Variants in BTBD1 observed in about 807,000 individuals in gnomAD.
The protein encoded by BTBD1 is BTB domain containing 1.
In BTBD1, 34 loss-of-function variants were observed where a neutral mutation model predicts 48.0. The observed-to-expected ratio is 0.71, with a 90% CI of 0.54 to 0.94. The LOEUF is 0.94. BTBD1 is among the 40% of genes least tolerant of loss of function. The pLI, the probability that BTBD1 is intolerant of heterozygous loss-of-function variation, is 0.00. For synonymous variants in BTBD1, 261 were observed against 242.1 expected, an observed-to-expected ratio of 1.08 and a Z score of -0.72; for missense variants, 543 against 625.6, an observed-to-expected ratio of 0.87 and a Z score of 1.41.
rs192607488 is a variant in BTBD1, at chr15:83,044,368, A to G, written c.665-2443T>C. ...GCATGCCCGCCCGCCCGTGCCCACCATGGCCACAGTTCAGCAGCTGGGAGG... is the reference window on the plus strand; with the variant it reads ...GCATGCCCGCCCGCCCGTGCCCACCGTGGCCACAGTTCAGCAGCTGGGAGG... On this transcript the variant is annotated intron_variant, in intron 3 of 7. Coordinates refer to ENST00000261721, the MANE Select transcript of BTBD1 (RefSeq NM_025238.4). 1.1e-4 allele frequency: 148 copies of G among 1,333,086 alleles called. No individual in the cohort carries two copies. In the African/African-American group the frequency reaches 1.9e-3, roughly 17 times the overall value. The allele number at this position is 1,333,086 out of a possible 1,614,324, so 82.6% of individuals were successfully genotyped here.
intron 7 of BTBD1, 75 bp downstream of exon 7, chr15:83,018,632 G>A: frequency 1.3e-6 from 2 of 1,509,520 alleles, no homozygotes; most frequent in Non-Finnish European, 9.0e-7. Flanking sequence ...AGCTGTCAGT[G>A]ACTCTCAGCT....
intron 5 of BTBD1, 22 bp from the exon 6 acceptor site, chr15:83,020,784 T>A (rs2032279917): frequency 7.1e-7 from 1 of 1,405,482 alleles, no homozygotes; most frequent in Non-Finnish European, 1.0e-6. Flanking sequence ...AAGCCAAAAA[T>A]AAAATATAAT....
intron 6 of BTBD1, 177 bp downstream of exon 6, chr15:83,020,498 G>C: frequency 2.0e-6 from 1 of 492,334 alleles, no homozygotes; most frequent in Admixed American, 3.8e-5. Flanking sequence ...CCAATTTTCT[G>C]CAACCAGACT....
chr15:83,053,607 A>G (rs1001505041), intron 2 of BTBD1, among the ~76,000 whole-genome samples: 3 of 152,196 alleles, frequency 2.0e-5, no homozygotes, highest in Non-Finnish European at 4.4e-5. Context: ...TAGTTAAGTG[A>G]TCGTCTCTAC....
intron 1 of BTBD1, among the ~76,000 whole-genome samples, chr15:83,060,816 A>C (rs957089617): frequency 6.6e-6 from 1 of 152,140 alleles, no homozygotes; most frequent in Non-Finnish European, 1.5e-5. Flanking sequence ...AAATAAAATA[A>C]AGTAAATTTT....
intron 2 of BTBD1, among the ~76,000 whole-genome samples, chr15:83,052,540 T>C (rs996084087): frequency 6.6e-6 from 1 of 152,130 alleles, no homozygotes. Context: ...CATTTTTCCT[T>C]CTACTACGGC....
chr15:83,031,737 C>G (rs1182777182), intron 4 of BTBD1, among the ~76,000 whole-genome samples: 3 of 151,710 alleles, frequency 2.0e-5, no homozygotes, highest in Non-Finnish European at 4.4e-5. Flanking sequence ...TGTAACAAAC[C>G]TGCACGTTGT....
intron 2 of BTBD1, among the ~76,000 whole-genome samples, chr15:83,054,855 C>T (rs1172292878): frequency 1.3e-5 from 2 of 152,024 alleles, no homozygotes; most frequent in Non-Finnish European, 2.9e-5. Flanking sequence ...CCACCGCGCC[C>T]GGCTGGTACC....
intron 6 of BTBD1, among the ~76,000 whole-genome samples, chr15:83,019,550 T>C (rs2032244095): frequency 6.6e-6 from 1 of 151,500 alleles, no homozygotes; most frequent in Non-Finnish European, 1.5e-5. Context: ...CCTATAATCC[T>C]GATGCCCTCC....
At chr15:83,042,918 T>A (rs748610189) in intron 3 of BTBD1, among the ~76,000 whole-genome samples, 1 of 152,102 alleles carries the variant, frequency 6.6e-6, no homozygotes, top group Non-Finnish European at 1.5e-5. Context: ...GACAGGAGCA[T>A]GGCTTGAGCC....
chr15:83,066,777 C>T lies in BTBD1; in HGVS notation c.375G>A (p.Glu125=), dbSNP rs1340894867. Residue 125 remains glutamate (E), a synonymous_variant, in exon 1 of 8, where the codon GAG becomes GAA. Transcript: ENST00000261721. ...TCAGCAGCGCCAGGAAGGCTGCGGG[C>T]TCCACGTCCGGCAGCTCGATCTCGG... The part of the protein sequence containing the change: ...TSAEIELPDV[E]PAAFLALLRF... The T allele has an allele frequency of 5.6e-6, 8 of 1,428,448 alleles. No individual in the cohort carries two copies. The highest frequency in any genetic ancestry group is 6.4e-6 in the Non-Finnish European group (7 of 1,096,272). 88.5% of individuals were successfully genotyped at this position (1,428,448 alleles called of 1,614,324 possible).
intron 1 of BTBD1, among the ~76,000 whole-genome samples, chr15:83,066,505 G>A (rs948437423): frequency 6.6e-6 from 1 of 152,184 alleles, no homozygotes; most frequent in Non-Finnish European, 1.5e-5. Flanking sequence ...GCCTTTCAAT[G>A]GTAAAACGCA....
At chr15:83,035,739 T>A (rs1324153243) in intron 4 of BTBD1, among the ~76,000 whole-genome samples, 1 of 151,576 alleles carries the variant, frequency 6.6e-6, no homozygotes, top group East Asian at 1.9e-4. Context: ...CAGAAAGTAA[T>A]GAAATGGAAA....
At chr15:83,027,741 C>A (rs2032436741) in intron 5 of BTBD1, among the ~76,000 whole-genome samples, 1 of 152,204 alleles carries the variant, frequency 6.6e-6, no homozygotes, top group African/African-American at 2.4e-5. Context: ...TGAGTAGGAC[C>A]AACTATATAT....
At chr15:83,064,214 T>C (rs963492042) in intron 1 of BTBD1, among the ~76,000 whole-genome samples, 2 of 152,214 alleles carry the variant, frequency 1.3e-5, no homozygotes, top group African/African-American at 4.8e-5. Context: ...CTATCAGGCA[T>C]CTTTTTGTCA....
At chr15:83,060,147 T>C (rs1201759720) in intron 1 of BTBD1, among the ~76,000 whole-genome samples, 1 of 152,068 alleles carries the variant, frequency 6.6e-6, no homozygotes, top group Non-Finnish European at 1.5e-5. Flanking sequence ...TCAGCACAGG[T>C]TTCTATGTAA....
intron 6 of BTBD1, 43 bp from the exon 7 acceptor site, chr15:83,018,896 T>A: frequency 6.6e-7 from 1 of 1,505,956 alleles, no homozygotes; most frequent in Non-Finnish European, 9.1e-7. Flanking sequence ...TTAAACCAAA[T>A]AAAGCAAACT....
intron 1 of BTBD1, among the ~76,000 whole-genome samples, chr15:83,058,573 C>T (rs1809457483): frequency 6.6e-6 from 1 of 151,770 alleles, no homozygotes; most frequent in Non-Finnish European, 1.5e-5. Context: ...CGCAACACTG[C>T]ACTCTAGCCC....
In BTBD1 at chr15:83,066,858, C is replaced by G; in HGVS notation, c.294G>C (p.Ala98=). ...QRIPAHRFVL[A]AGSAVFDAMF... ...TGGCGTCAAAGACGGCGCTGCCGGC[C>G]GCCAGCACGAAGCGGTGGGCGGGGA... is the stretch of plus-strand genomic sequence containing the variant. The change falls in exon 1 of 8, where the codon GCG becomes GCC. Residue 98 remains alanine (A), a synonymous_variant. Coordinates refer to ENST00000261721, the MANE Select transcript of BTBD1 (RefSeq NM_025238.4). The G allele has an allele frequency of 1.4e-6, 2 of 1,460,686 alleles. No homozygotes were observed. The highest frequency in any genetic ancestry group is 1.8e-6 in the Non-Finnish European group (2 of 1,109,776). 90.5% of individuals were successfully genotyped at this position (1,460,686 alleles called of 1,614,324 possible).
Sources: allele counts gnomAD v4.1 joint callset (sites outside exome capture counted in the v4.1 genomes callset), GRCh38; gene constraint gnomAD v4.1.1; transcripts MANE v1.5; gene names NCBI Gene and HGNC (gene_info 2026-07-23, HGNC 2026-07-21).